CDH9: variants seen among roughly 807,000 people sequenced by gnomAD.
CDH9 encodes the protein cadherin 9, also known as cadherin-9.
In CDH9, 28 loss-of-function variants were observed where a neutral mutation model predicts 70.9. That is an observed-to-expected ratio of 0.40 (90% CI 0.29 to 0.54). The LOEUF (loss-of-function observed/expected upper bound fraction) is 0.54, where lower values mean the gene tolerates loss of function less well. Ranked by LOEUF, CDH9 falls within the 20% of genes least tolerant of loss-of-function variation. The pLI, the probability that CDH9 is intolerant of heterozygous loss-of-function variation, is 0.59. For synonymous variants in CDH9, 409 were observed against 343.1 expected (o/e 1.19, Z -2.12); for missense variants, 874 against 984.4 (o/e 0.89, Z 1.50).
chr5:26,956,139 C>G (rs1467149202), intron 2 of CDH9, among the ~76,000 whole-genome samples: 8 of 152,062 alleles, frequency 5.3e-5, no homozygotes, highest in Non-Finnish European at 1.0e-4. Context: ...GTCATAATTC[C>G]CATGTGTCTT....
chr5:26,921,261 A>T (rs1415326958), intron 2 of CDH9, among the ~76,000 whole-genome samples: 1 of 152,118 alleles, frequency 6.6e-6, no homozygotes, highest in African/African-American at 2.4e-5. Context: ...ATGCCCAGTA[A>T]TTACTCACTC....
At position 26,993,673 on chromosome 5, in the gene CDH9, C is replaced by T. The variant is rs576610876; in HGVS notation, c.-49-5291G>A. Among the ~76,000 whole-genome samples the T allele has an allele frequency of 6.1e-4, 79 of 128,648 alleles. 1 individual carries two copies. The highest frequency in any genetic ancestry group is 9.3e-4 in the South Asian group (4 of 4,318). The allele number at this position is 128,648 out of a possible 152,430, so 84.4% of individuals were successfully genotyped here. ...TGGTGGATTTCTTGGATTTTATAGG[C>T]CAGCTCCCTACAGCTATTCAGCTGC... On this transcript the variant is annotated intron_variant, in intron 1 of 11. Coordinates refer to ENST00000231021, the MANE Select transcript of CDH9 (RefSeq NM_016279.4).
At chr5:27,031,462 T>C (rs1184676416) in intron 1 of CDH9, among the ~76,000 whole-genome samples, 1 of 151,912 alleles carries the variant, frequency 6.6e-6, no homozygotes, top group African/African-American at 2.4e-5. Flanking sequence ...TTTAGGAAGA[T>C]TACAATTTAT....
intron 2 of CDH9, among the ~76,000 whole-genome samples, chr5:26,966,972 G>T (rs1742139616): frequency 6.6e-6 from 1 of 151,910 alleles, no homozygotes; most frequent in Admixed American, 6.6e-5. Context: ...TCACTCTGTT[G>T]CCCAGGCTGG....
At chr5:27,004,133 G>A (rs1283968878) in intron 1 of CDH9, among the ~76,000 whole-genome samples, 1 of 149,926 alleles carries the variant, frequency 6.7e-6, no homozygotes, top group African/African-American at 2.5e-5. Flanking sequence ...AAAAAAAAGA[G>A]GGCCTCTCTC....
At chr5:26,964,601 A>G (rs1489074071) in intron 2 of CDH9, among the ~76,000 whole-genome samples, 1 of 152,036 alleles carries the variant, frequency 6.6e-6, no homozygotes, top group Non-Finnish European at 1.5e-5. Context: ...CCACTCATAA[A>G]CCTAGCACTA....
chr5:26,969,374 C>G (rs1742179735), intron 2 of CDH9, among the ~76,000 whole-genome samples: 1 of 152,020 alleles, frequency 6.6e-6, no homozygotes, highest in Admixed American at 6.6e-5. Flanking sequence ...TTTTACAAGA[C>G]TGATTGGAGA....
intron 2 of CDH9, among the ~76,000 whole-genome samples, chr5:26,960,968 C>T (rs1036717470): frequency 6.6e-6 from 1 of 152,006 alleles, no homozygotes; most frequent in Non-Finnish European, 1.5e-5. Flanking sequence ...ACATTTGACT[C>T]CCAATTTATG....
chr5:27,001,951 A>G (rs1032995739), intron 1 of CDH9, among the ~76,000 whole-genome samples: 1 of 151,948 alleles, frequency 6.6e-6, no homozygotes, highest in Admixed American at 6.6e-5. Flanking sequence ...CCAAAGTTGG[A>G]AAAACTTGAG....
intron 1 of CDH9, among the ~76,000 whole-genome samples, chr5:27,004,110 GA>G (rs59593576): frequency 0.038 from 4,064 of 106,560 alleles, 146 homozygotes; most frequent in African/African-American, 0.11. Flanking sequence ...ATGCCTCTCT[GA>G]AAAAAAAAAA....
intron 11 of CDH9, among the ~76,000 whole-genome samples, chr5:26,883,360 G>C (rs1401104379): frequency 1.3e-5 from 2 of 151,524 alleles, no homozygotes; most frequent in African/African-American, 4.8e-5. Flanking sequence ...AATCTGTTCT[G>C]AGCTTTTCCT....
chr5:26,937,459 G>A (rs35878182), intron 2 of CDH9, among the ~76,000 whole-genome samples: 6,699 of 152,202 alleles, frequency 0.044, 207 homozygotes, highest in African/African-American at 0.088. Flanking sequence ...TGGACAGTTT[G>A]TGAGTTTCCT....
chr5:26,897,057 T>TA (rs1229565298), intron 7 of CDH9, among the ~76,000 whole-genome samples: 1 of 151,804 alleles, frequency 6.6e-6, no homozygotes, highest in Non-Finnish European at 1.5e-5. Flanking sequence ...GCATATAAAC[T>TA]AAAAAAACTA....
intron 11 of CDH9, 99 bp downstream of exon 11, chr5:26,885,515 C>A (rs545112705): frequency 3.3e-4 from 334 of 1,008,616 alleles, no homozygotes; most frequent in Non-Finnish European, 4.6e-4. Context: ...AATGTTCTAT[C>A]TTTATCTATA....
chr5:26,881,677 A>C (rs1227910946), intron 11 of CDH9, 54 bp from the exon 12 acceptor site: 17 of 1,495,732 alleles, frequency 1.1e-5, no homozygotes, highest in Non-Finnish European at 1.5e-5. Context: ...GATAAAATAG[A>C]GTACACTTCT....
At chr5:26,973,898 T>A (rs2112076384) in intron 2 of CDH9, among the ~76,000 whole-genome samples, 1 of 152,310 alleles carries the variant, frequency 6.6e-6, no homozygotes, top group Non-Finnish European at 1.5e-5. Context: ...TTTTAAAACT[T>A]ACTTTTTTCC....
At chr5:26,945,177 T>TCACCCTTC (rs1399250783) in intron 2 of CDH9, among the ~76,000 whole-genome samples, 1 of 151,976 alleles carries the variant, frequency 6.6e-6, no homozygotes. Flanking sequence ...TAAACCCGAA[T>TCACCCTTC]TACCCTTCTG....
chr5:26,889,003 T>G (rs1740610403), intron 9 of CDH9, among the ~76,000 whole-genome samples: 2 of 152,128 alleles, frequency 1.3e-5, no homozygotes, highest in Non-Finnish European at 2.9e-5. Flanking sequence ...TAGGGTTACA[T>G]TTTCAAGATT....
chr5:26,992,871 C>T (rs1189623804), intron 1 of CDH9, among the ~76,000 whole-genome samples: 1 of 151,926 alleles, frequency 6.6e-6, no homozygotes, highest in African/African-American at 2.4e-5. Context: ...CCGAGGCGGG[C>T]GGATCACCTG....
Sources: gnomAD v4.1 joint callset for allele counts (sites outside exome capture counted in the v4.1 genomes callset) on GRCh38, gnomAD v4.1.1 for gene constraint, MANE v1.5 for transcripts, NCBI Gene and HGNC (gene_info 2026-07-23, HGNC 2026-07-21) for gene names.